The following ASIC2 variants were observed in gnomAD, a reference collection of about 807,000 sequenced individuals.
ASIC2 encodes acid-sensing ion channel 2.
A neutral mutation model predicts 57.3 loss-of-function variants in ASIC2; 25 were observed. That is an observed-to-expected ratio of 0.44 (90% CI 0.32 to 0.61). The LOEUF is 0.61. Among genes scored for constraint, ASIC2 ranks in the 20% least tolerant of loss-of-function variants. The probability of loss-of-function intolerance (pLI) is 0.06; values close to 1 mark genes in which losing one functional copy is unlikely to be tolerated. For synonymous variants in ASIC2, 319 were observed against 307.5 expected (o/e 1.04, Z -0.39); for missense variants, 641 against 738.1 (o/e 0.87, Z 1.52).
At chr17:33,995,150 C>T (rs1216367268) in intron 1 of ASIC2, among the ~76,000 whole-genome samples, 1 of 152,162 alleles carries the variant, frequency 6.6e-6, no homozygotes, top group Admixed American at 6.5e-5. Context: ...GACAGTAACA[C>T]CAACAGCTCC....
intron 1 of ASIC2, among the ~76,000 whole-genome samples, chr17:33,625,839 A>C (rs1234044605): frequency 6.6e-6 from 1 of 152,238 alleles, no homozygotes; most frequent in Non-Finnish European, 1.5e-5. Context: ...CTTCATGAGT[A>C]TCTTTGAACT....
chr17:34,114,369 C>A (rs951295517), intron 1 of ASIC2, among the ~76,000 whole-genome samples: 1 of 152,162 alleles, frequency 6.6e-6, no homozygotes. Flanking sequence ...ACTCTAAAAC[C>A]AAGCAGGTGG....
chr17:33,180,627 G>C (rs1265915060), intron 1 of ASIC2, among the ~76,000 whole-genome samples: 1 of 152,160 alleles, frequency 6.6e-6, no homozygotes, highest in African/African-American at 2.4e-5. Flanking sequence ...ACCAGGCCTT[G>C]GCAGGGACTT....
At chr17:33,592,670 C>T (rs1022779533) in intron 1 of ASIC2, among the ~76,000 whole-genome samples, 18 of 152,104 alleles carry the variant, frequency 1.2e-4, no homozygotes, top group African/African-American at 3.6e-4. Flanking sequence ...GACTGGACTG[C>T]GAGCAGGAAA....
intron 1 of ASIC2, among the ~76,000 whole-genome samples, chr17:33,978,300 C>T (rs1326956638): frequency 6.6e-6 from 1 of 152,152 alleles, no homozygotes; most frequent in Non-Finnish European, 1.5e-5. Flanking sequence ...TGCATGCCAG[C>T]CCAGGGCTAC....
intron 1 of ASIC2, among the ~76,000 whole-genome samples, chr17:33,639,590 G>A (rs556831979): frequency 1.8e-4 from 28 of 152,192 alleles, no homozygotes; most frequent in Admixed American, 1.6e-3. Context: ...GAGTGGGGCA[G>A]GAGCTGTTAA....
At chr17:33,235,033 G>A (rs1908241377) in intron 1 of ASIC2, among the ~76,000 whole-genome samples, 1 of 152,120 alleles carries the variant, frequency 6.6e-6, no homozygotes, top group Non-Finnish European at 1.5e-5. Context: ...TCTCCCACAG[G>A]CATGTGGCTC....
chr17:33,267,165 C>T (rs1353743930), intron 1 of ASIC2, among the ~76,000 whole-genome samples: 1 of 152,142 alleles, frequency 6.6e-6, no homozygotes, highest in Non-Finnish European at 1.5e-5. Context: ...CATTAAACAA[C>T]CACTGACTGC....
chr17:33,918,076 T>C (rs185309397), intron 1 of ASIC2, among the ~76,000 whole-genome samples: 1 of 152,370 alleles, frequency 6.6e-6, no homozygotes, highest in Admixed American at 6.5e-5. Context: ...TAAGTAAGGA[T>C]GGACGACATC....
intron 1 of ASIC2, among the ~76,000 whole-genome samples, chr17:33,699,225 A>G (rs551627515): frequency 2.0e-5 from 3 of 152,342 alleles, no homozygotes; most frequent in African/African-American, 7.2e-5. Context: ...TCTGTCCAGC[A>G]GGTGAACAAA....
Position 34,156,608 on chromosome 17 carries a change from G to C in ASIC2, c.-76C>G, listed in dbSNP as rs1904733419. 2.1e-6 allele frequency: 3 copies of C among 1,446,122 alleles called. No individual in the cohort carries two copies. Among genetic ancestry groups the C allele is most frequent in the Non-Finnish European group, 2.8e-6 (3 of 1,079,526 alleles). The allele number at this position is 1,446,122 out of a possible 1,614,324, so 89.6% of individuals were successfully genotyped here. A position where few individuals can be genotyped will look rare whatever the true frequency, so the allele number is the denominator to read the frequency against. On this transcript the variant is annotated 5_prime_UTR_variant, in exon 1 of 10. Transcript: ENST00000359872. This position sits in a 1 kb window ranked among gnomAD's most constrained non-coding sequence, Gnocchi z 4.4. ...GAAGAGCTCCCAGTCCTCGGGCTCT[G>C]CTTAAACCTTGACGTTCAGGGGAGA...
chr17:33,716,707 A>T (rs185603919), intron 1 of ASIC2, among the ~76,000 whole-genome samples: 1 of 152,104 alleles, frequency 6.6e-6, no homozygotes, highest in Non-Finnish European at 1.5e-5. Flanking sequence ...TCTTCTCCTC[A>T]TGCCATCTGT....
At chr17:33,173,176 C>T (rs550520951) in intron 1 of ASIC2, among the ~76,000 whole-genome samples, 4 of 152,248 alleles carry the variant, frequency 2.6e-5, no homozygotes, top group Non-Finnish European at 4.4e-5. Context: ...GGCAGACTCC[C>T]GAGTCTGATC....
At chr17:33,031,653 C>T (rs2091884166) in intron 3 of ASIC2, among the ~76,000 whole-genome samples, 2 of 152,146 alleles carry the variant, frequency 1.3e-5, no homozygotes, top group African/African-American at 4.8e-5. Context: ...TATATCTTTA[C>T]TAATTTTTTC....
At chr17:33,540,323 T>A (rs918096879) in intron 1 of ASIC2, among the ~76,000 whole-genome samples, 1 of 152,176 alleles carries the variant, frequency 6.6e-6, no homozygotes, top group Non-Finnish European at 1.5e-5. Flanking sequence ...AATGACCTCA[T>A]TTTAATTTGA....
chr17:34,040,406 T>C (rs1597988944), intron 1 of ASIC2, among the ~76,000 whole-genome samples: 1 of 49,570 alleles, frequency 2.0e-5, no homozygotes, highest in African/African-American at 2.1e-4. Context: ...GCAGGGGGGG[T>C]CCTGGGGGGT....
chr17:33,412,575 C>G (rs571614715), intron 1 of ASIC2, among the ~76,000 whole-genome samples: 2 of 152,308 alleles, frequency 1.3e-5, no homozygotes, highest in South Asian at 2.1e-4. Context: ...GAATTAAAAT[C>G]CTGGTCTTGC....
chr17:33,861,836 A>C (rs1387430835), intron 1 of ASIC2, among the ~76,000 whole-genome samples: 1 of 152,222 alleles, frequency 6.6e-6, no homozygotes, highest in East Asian at 1.9e-4. Context: ...ATCCCTGCAC[A>C]GAAAACTTCA....
chr17:34,057,648 T>C (rs1908818028), intron 1 of ASIC2, among the ~76,000 whole-genome samples: 1 of 151,586 alleles, frequency 6.6e-6, no homozygotes, highest in Admixed American at 6.6e-5. Flanking sequence ...AGTGAGGAAG[T>C]AAGGAAAAAG....
Sources: gnomAD v4.1 joint callset for allele counts (sites outside exome capture counted in the v4.1 genomes callset) on GRCh38, gnomAD v4.1.1 for gene constraint, Gnocchi (gnomAD v3.1) non-coding constraint, MANE v1.5 for transcripts, NCBI Gene and HGNC (gene_info 2026-07-23, HGNC 2026-07-21) for gene names.